Variants in ROR1 observed in about 807,000 individuals in gnomAD.
The protein encoded by ROR1 is inactive tyrosine-protein kinase transmembrane receptor ROR1.
Under a neutral mutation model 78.8 loss-of-function variants are expected in ROR1, and 19 were observed. The observed-to-expected ratio is 0.24, with a 90% confidence interval of 0.17 to 0.35. The LOEUF is 0.35. Ranked by LOEUF, ROR1 falls within the 10% of genes least tolerant of loss-of-function variation. The pLI is 1.00. For missense variants in ROR1, 917 were observed against 1,177.8 expected (o/e 0.78, Z 3.24); for synonymous variants, 386 against 433.6 (o/e 0.89, Z 1.36).
chr1:64,127,610 G>A (rs953114016), intron 4 of ROR1, among the ~76,000 whole-genome samples: 1 of 151,692 alleles, frequency 6.6e-6, no homozygotes, highest in Admixed American at 6.6e-5. Context: ...TTCTGGTTTG[G>A]GGCAATGTAG....
At chr1:64,154,199 G>A (rs1207765706) in intron 7 of ROR1, among the ~76,000 whole-genome samples, 1 of 152,108 alleles carries the variant, frequency 6.6e-6, no homozygotes, top group Non-Finnish European at 1.5e-5. Flanking sequence ...CCATCATCAA[G>A]TCAAGAGAGT....
intron 1 of ROR1, among the ~76,000 whole-genome samples, chr1:63,987,176 C>A (rs1167049266): frequency 6.6e-6 from 1 of 152,134 alleles, no homozygotes; most frequent in Non-Finnish European, 1.5e-5. Flanking sequence ...TGCCTGACCC[C>A]AGGAATGGGC....
chr1:63,886,156 T>G (rs1645355723), intron 1 of ROR1, among the ~76,000 whole-genome samples: 1 of 152,144 alleles, frequency 6.6e-6, no homozygotes, highest in Non-Finnish European at 1.5e-5. Context: ...CGCTGGCTGA[T>G]CTGACAGGAA....
intron 4 of ROR1, among the ~76,000 whole-genome samples, chr1:64,051,463 AAAATAAAAT>A (rs1557627920): frequency 1.0e-3 from 21 of 21,030 alleles, no homozygotes; most frequent in African/African-American, 1.4e-3. Flanking sequence ...AATAAAAAAT[AAAATAAAAT>A]AAAATAAAAT....
chr1:64,013,629 A>T (rs1480053012), intron 2 of ROR1, among the ~76,000 whole-genome samples: 1 of 152,118 alleles, frequency 6.6e-6, no homozygotes, highest in Non-Finnish European at 1.5e-5. Context: ...TGAATAACAC[A>T]GGTGGTATTC....
At position 64,179,008 on chromosome 1, in the gene ROR1, G is replaced by A. The variant is rs1650475859; in HGVS notation, c.*153G>A. 4.1e-5 allele frequency: 13 copies of A among 314,728 alleles called. No individual in the cohort carries two copies. Among genetic ancestry groups the A allele is most frequent in the South Asian group, 1.8e-4 (3 of 16,464 alleles). The allele number at this position is 314,728 out of a possible 1,614,324, so 19.5% of individuals were successfully genotyped here. On this transcript the variant is annotated 3_prime_UTR_variant, in exon 9 of 9. Transcript: ENST00000371079. ...AGTTTCACTGTGTCTTACCAAGCAGGACAGACACTCGGCCAGAAAAAAAAA... is the reference window on the plus strand; with the variant it reads ...AGTTTCACTGTGTCTTACCAAGCAGAACAGACACTCGGCCAGAAAAAAAAA...
intron 1 of ROR1, among the ~76,000 whole-genome samples, chr1:63,947,580 C>G (rs567418171): frequency 6.6e-6 from 1 of 152,284 alleles, no homozygotes; most frequent in African/African-American, 2.4e-5. Context: ...CCACTGCAGG[C>G]TCCCCATCAA....
At chr1:63,801,728 G>C (rs949313037) in intron 1 of ROR1, among the ~76,000 whole-genome samples, 1 of 152,090 alleles carries the variant, frequency 6.6e-6, no homozygotes, top group Non-Finnish European at 1.5e-5. Flanking sequence ...AATGAAAAAG[G>C]TTAGTTAAAA....
chr1:64,096,089 T>C (rs188462115), intron 4 of ROR1, among the ~76,000 whole-genome samples: 10 of 152,278 alleles, frequency 6.6e-5, no homozygotes, highest in Non-Finnish European at 1.0e-4. Flanking sequence ...AGAAACAATA[T>C]GATATCATTC....
chr1:63,778,971 G>GTTCCCC (rs1489217570), intron 1 of ROR1, among the ~76,000 whole-genome samples: 2 of 152,206 alleles, frequency 1.3e-5, no homozygotes, highest in African/African-American at 2.4e-5. Context: ...TCCAACAGCA[G>GTTCCCC]CAAAGGGAAG....
At chr1:64,112,172 T>G (rs1337993686) in intron 4 of ROR1, 1 of 152,204 alleles carries the variant, frequency 6.6e-6, no homozygotes, top group African/African-American at 2.4e-5. Context: ...CTAGGTGAAT[T>G]GGCCTGCATG....
At chr1:64,148,712 A>G (rs1314438784) in intron 7 of ROR1, among the ~76,000 whole-genome samples, 6 of 152,182 alleles carry the variant, frequency 3.9e-5, no homozygotes, top group Non-Finnish European at 2.9e-5. Context: ...ATTAAGTACA[A>G]TCAAATATGG....
intron 4 of ROR1, among the ~76,000 whole-genome samples, chr1:64,052,479 GTTC>G (rs1646840804): frequency 6.6e-6 from 1 of 152,060 alleles, no homozygotes; most frequent in Non-Finnish European, 1.5e-5. Context: ...ATCCTTCTAT[GTTC>G]TTCTTGAAGT....
At chr1:64,049,615 C>T in intron 2 of ROR1, 76 bp from the exon 3 acceptor site, 1 of 1,319,754 alleles carries the variant, frequency 7.6e-7, no homozygotes, top group Non-Finnish European at 1.1e-6. Context: ...CAAGGGTACA[C>T]TGGAGGGGAT....
intron 8 of ROR1, among the ~76,000 whole-genome samples, chr1:64,159,653 G>T (rs907154852): frequency 6.6e-6 from 1 of 150,556 alleles, no homozygotes; most frequent in Non-Finnish European, 1.5e-5. Flanking sequence ...AAATGATTAA[G>T]ATAGTAAATT....
At chr1:64,081,156 G>A (rs964103191) in intron 4 of ROR1, among the ~76,000 whole-genome samples, 1 of 152,062 alleles carries the variant, frequency 6.6e-6, no homozygotes, top group Non-Finnish European at 1.5e-5. Flanking sequence ...ATAGCCCAAG[G>A]CTGAGATTTC....
chr1:63,941,651 C>CTG (rs1645841628), intron 1 of ROR1, among the ~76,000 whole-genome samples: 1 of 152,192 alleles, frequency 6.6e-6, no homozygotes, highest in South Asian at 2.1e-4. Context: ...GGTATTCTAA[C>CTG]TGCAAAGATG....
intron 1 of ROR1, among the ~76,000 whole-genome samples, chr1:63,919,253 TAGG>T (rs1388869152): frequency 6.6e-6 from 1 of 152,222 alleles, no homozygotes; most frequent in Non-Finnish European, 1.5e-5. Flanking sequence ...CTAAAACTAA[TAGG>T]AGCTTAGGCA....
At chr1:63,812,355 G>A (rs1241084796) in intron 1 of ROR1, among the ~76,000 whole-genome samples, 1 of 152,204 alleles carries the variant, frequency 6.6e-6, no homozygotes, top group African/African-American at 2.4e-5. Flanking sequence ...ATGCTACCAT[G>A]TCAGAGTTGA....
Sources: allele counts gnomAD v4.1 joint callset (sites outside exome capture counted in the v4.1 genomes callset), GRCh38; gene constraint gnomAD v4.1.1; transcripts MANE v1.5; gene names NCBI Gene and HGNC (gene_info 2026-07-23, HGNC 2026-07-21).